The following ZNF33B variants were observed in gnomAD, a reference collection of about 807,000 sequenced individuals.
The protein encoded by ZNF33B is zinc finger protein 33B, also known as zinc finger protein 11b (KOX 2).
In ZNF33B, 29 loss-of-function variants were observed where a neutral mutation model predicts 45.8. The observed-to-expected ratio is 0.63, with a 90% CI of 0.47 to 0.86. ZNF33B has a LOEUF of 0.86. Ranked by LOEUF, ZNF33B falls within the 40% of genes least tolerant of loss-of-function variation. The pLI, the probability that ZNF33B is intolerant of heterozygous loss-of-function variation, is 0.00. For synonymous variants in ZNF33B, 305 were observed against 307.8 expected (o/e 0.99, Z 0.10); for missense variants, 831 against 909.9 (o/e 0.91, Z 1.12).
intron 4 of ZNF33B, among the ~76,000 whole-genome samples, chr10:42,597,857 C>G (rs1837465601): frequency 6.6e-6 from 1 of 152,116 alleles, no homozygotes; most frequent in Non-Finnish European, 1.5e-5. Flanking sequence ...TAAATTTATA[C>G]AATGGCATTT....
intron 4 of ZNF33B, among the ~76,000 whole-genome samples, chr10:42,597,283 A>G (rs759683843): frequency 3.9e-5 from 6 of 152,150 alleles, no homozygotes; most frequent in Non-Finnish European, 8.8e-5. Context: ...ATGTATAAAA[A>G]GAAGTATAGT....
In ZNF33B at chr10:42,575,736, AT is replaced by A. The variant is rs796452502; in HGVS notation, c.74-1059del. ...AATATATATATATATATACATATATATTTTTTTTTTTTGAGACAGAGTCTCA... is the reference window on the plus strand; with the variant it reads ...AATATATATATATATATACATATATATTTTTTTTTTTGAGACAGAGTCTCA... On this transcript the variant is annotated intron_variant, in intron 1 of 1. Coordinates refer to the ZNF33B transcript ENST00000462075. Among the ~76,000 whole-genome samples, 177 of 143,424 alleles carry A rather than the reference AT, an allele frequency of 1.2e-3. 1 individual carries two copies. Among genetic ancestry groups the A allele is most frequent in the East Asian group, 0.011 (54 of 4,950 alleles). The allele number at this position is 143,424 out of a possible 152,430, so 94.1% of individuals were successfully genotyped here. A position where few individuals can be genotyped will look rare whatever the true frequency, so the allele number is the denominator to read the frequency against.
chr10:42,610,004 A>G (rs1341042306), intron 4 of ZNF33B, among the ~76,000 whole-genome samples: 2 of 152,270 alleles, frequency 1.3e-5, no homozygotes, highest in East Asian at 1.9e-4. Flanking sequence ...CAAAAACAAG[A>G]TAAGAATGCC....
At chr10:42,575,350 A>C (rs936673955) in intron 1 of ZNF33B, among the ~76,000 whole-genome samples, 3 of 152,116 alleles carry the variant, frequency 2.0e-5, no homozygotes, top group African/African-American at 7.2e-5. Flanking sequence ...GCAGGAAAGA[A>C]ATGAGAAACC....
downstream of ZNF33B, among the ~76,000 whole-genome samples, chr10:42,584,238 G>A (rs1354645564): frequency 6.6e-6 from 1 of 152,190 alleles, no homozygotes; most frequent in African/African-American, 2.4e-5. Context: ...TCTGGAATGT[G>A]TACCAAGGAA....
intron 4 of ZNF33B, among the ~76,000 whole-genome samples, chr10:42,625,717 C>T (rs1773009483): frequency 6.6e-6 from 1 of 152,268 alleles, no homozygotes; most frequent in African/African-American, 2.4e-5. Flanking sequence ...AGGTGATCCA[C>T]TCGCCACGGC....
intron 4 of ZNF33B, among the ~76,000 whole-genome samples, chr10:42,596,374 T>G (rs1028158078): frequency 6.6e-6 from 1 of 152,148 alleles, no homozygotes. Context: ...ATAATGAGTC[T>G]TGAAATCAGG....
At chr10:42,583,139 C>G (rs1349662771) in intron 1 of ZNF33B, 2 of 786,668 alleles carry the variant, frequency 2.5e-6, no homozygotes, top group South Asian at 1.3e-5. Flanking sequence ...AGGGAGTAAG[C>G]ATGGTGAGAA....
rs192805383 is a variant in ZNF33B, at chr10:42,580,575, G to A, written c.74-5897C>T. On this transcript the variant is annotated intron_variant, in intron 1 of 1. Transcript: ENST00000462075. ...TTTTATGTGGGCTTTACACACTGGA[G>A]AGTTTAGTGCCTGATCCCATTTTGG... 9.9e-5 allele frequency among the ~76,000 whole-genome samples: 15 copies of A among 152,162 alleles called. No individual in the cohort carries two copies. The East Asian group carries it at 1.4e-3, about 14-fold the overall frequency.
At chr10:42,586,881 A>C (rs1836946863), downstream of ZNF33B, among the ~76,000 whole-genome samples, 1 of 152,182 alleles carries the variant, frequency 6.6e-6, no homozygotes. Context: ...GTTTATAAGC[A>C]ATAGAAATTT....
downstream of ZNF33B, among the ~76,000 whole-genome samples, chr10:42,586,383 T>G (rs1239283904): frequency 6.6e-6 from 1 of 152,116 alleles, no homozygotes; most frequent in African/African-American, 2.4e-5. Context: ...TCTCCTGACC[T>G]CATGATCTGC....
intron 1 of ZNF33B, among the ~76,000 whole-genome samples, chr10:42,580,556 G>A (rs1269810068): frequency 1.3e-5 from 2 of 151,648 alleles, no homozygotes; most frequent in African/African-American, 4.8e-5. Flanking sequence ...GTGTTTTTAT[G>A]TGGGCTTTAC....
chr10:42,638,530 C>A lies in ZNF33B; in HGVS notation c.-101G>T. On this transcript the variant is annotated 5_prime_UTR_variant, in exon 1 of 5. Coordinates refer to ENST00000359467, the MANE Select transcript of ZNF33B (RefSeq NM_006955.3). ...AGAGAGCCGGTAGACCCCTGAAATC[C>A]CGGGACCGCCTCCCACGCAAAACGT... The A allele has an allele frequency of 2.1e-6, 1 of 483,028 alleles. No individual in the cohort carries two copies. Among genetic ancestry groups the A allele is most frequent in the Non-Finnish European group, 4.1e-6 (1 of 242,064 alleles). 29.9% of individuals were successfully genotyped at this position (483,028 alleles called of 1,614,324 possible). A position where few individuals can be genotyped will look rare whatever the true frequency, so the allele number is the denominator to read the frequency against.
Position 42,592,208 on chromosome 10 carries a change from A to G in ZNF33B, c.*405T>C. ...TCTATAAATTATTGTTAGATACCTT[A>G]AAAACTATTATGGCATCAAACTCAA... is the stretch of plus-strand genomic sequence containing the variant. On this transcript the variant is annotated 3_prime_UTR_variant, in exon 5 of 5. Coordinates refer to ENST00000359467, the MANE Select transcript of ZNF33B (RefSeq NM_006955.3). 1 of 298,928 alleles carries G rather than the reference A, an allele frequency of 3.3e-6. No individual in the cohort carries two copies. The highest frequency in any genetic ancestry group is 5.1e-6 in the Non-Finnish European group (1 of 195,280). The allele number at this position is 298,928 out of a possible 1,614,324, so 18.5% of individuals were successfully genotyped here.
At chr10:42,622,737 G>C (rs1458341162) in intron 4 of ZNF33B, among the ~76,000 whole-genome samples, 1 of 152,164 alleles carries the variant, frequency 6.6e-6, no homozygotes, top group Admixed American at 6.6e-5. Context: ...TAGAGTTTCT[G>C]TTTGAAATGA....
rs1264639833 is a variant in ZNF33B, at chr10:42,605,972, C to T, written c.251-11273G>A. ...AATTACCCGGGCATAGTGGCACACACCTATAGTCTCAGCTACTCAGGAGGC... is the reference window on the plus strand; with the variant it reads ...AATTACCCGGGCATAGTGGCACACATCTATAGTCTCAGCTACTCAGGAGGC... On this transcript the variant is annotated intron_variant, in intron 4 of 4. Coordinates refer to ENST00000359467, the MANE Select transcript of ZNF33B (RefSeq NM_006955.3). Among the ~76,000 whole-genome samples the T allele has an allele frequency of 4.6e-5, 7 of 152,016 alleles. 1 individual carries two copies. In the East Asian group the frequency reaches 7.8e-4, roughly 17 times the overall value.
rs1392011169 is a variant in ZNF33B at position 42,594,481 on chromosome 10, T to C, written c.469A>G (p.Ile157Val). Residue 157 changes from isoleucine (I) to valine (V), a missense_variant, in exon 5 of 5, where the codon ATC becomes GTC. Physicochemically the swap from Ile to Val is conservative, Grantham distance 29. Coordinates refer to ENST00000359467, the MANE Select transcript of ZNF33B (RefSeq NM_006955.3). ...TTTCCTAAATAGTTTATCTTACTGA[T>C]AACCAATTCTGAAACAGTGTTGAAA... is the stretch of plus-strand genomic sequence containing the variant. ...MSFNTVSELVISKINYLGKKS... is the reference protein window; with the variant it reads ...MSFNTVSELVVSKINYLGKKS... 3 of 1,613,214 alleles carry C rather than the reference T, an allele frequency of 1.9e-6. No individual in the cohort carries two copies. The highest frequency in any genetic ancestry group is 1.7e-6 in the Non-Finnish European group (2 of 1,179,676).
rs11239694 is a variant in ZNF33B at position 42,599,120 on chromosome 10, G to A, written c.251-4421C>T. 5.4e-3 allele frequency among the ~76,000 whole-genome samples: 827 copies of A among 152,196 alleles called. 31 individuals carry two copies. In the East Asian group the frequency reaches 0.085, roughly 16 times the overall value. Reference sequence around the variant, plus strand: ...AAAATCGTCAAACTGATAATTTACAGGTATAGTATTCCCTCACTTCCTTCA... The same window carrying A: ...AAAATCGTCAAACTGATAATTTACAAGTATAGTATTCCCTCACTTCCTTCA... On this transcript the variant is annotated intron_variant, in intron 4 of 4. Coordinates refer to ENST00000359467, the MANE Select transcript of ZNF33B (RefSeq NM_006955.3).
At chr10:42,597,617 T>C (rs1837455414) in intron 4 of ZNF33B, among the ~76,000 whole-genome samples, 1 of 152,170 alleles carries the variant, frequency 6.6e-6, no homozygotes, top group South Asian at 2.1e-4. Context: ...TGCTAATTTT[T>C]AATTTTGAGA....
Sources: allele counts gnomAD v4.1 joint callset (sites outside exome capture counted in the v4.1 genomes callset), GRCh38; gene constraint gnomAD v4.1.1; transcripts MANE v1.5; gene names NCBI Gene and HGNC (gene_info 2026-07-23, HGNC 2026-07-21).